Variants in ANKRD44 observed in about 807,000 individuals in gnomAD.
ANKRD44 encodes the protein serine/threonine-protein phosphatase 6 regulatory ankyrin repeat subunit B.
A neutral mutation model predicts 116.0 loss-of-function variants in ANKRD44; 35 were observed. The ratio of observed to expected loss-of-function variants is 0.30; its 90% confidence interval spans 0.23 to 0.40. The LOEUF is 0.40. ANKRD44 is among the 10% of genes least tolerant of loss of function. The pLI is 1.00. For synonymous variants in ANKRD44, 435 were observed against 461.8 expected, an observed-to-expected ratio of 0.94 and a Z score of 0.74; for missense variants, 1,014 against 1,242.6, an observed-to-expected ratio of 0.82 and a Z score of 2.77.
chr2:197,088,128 G>A (rs2077967426), intron 12 of ANKRD44, among the ~76,000 whole-genome samples: 1 of 152,128 alleles, frequency 6.6e-6, no homozygotes, highest in Non-Finnish European at 1.5e-5. Context: ...ACATTGATCA[G>A]AGCTTCAATC....
At chr2:197,112,551 T>C (rs542227878) in intron 8 of ANKRD44, among the ~76,000 whole-genome samples, 13 of 151,720 alleles carry the variant, frequency 8.6e-5, no homozygotes, top group Admixed American at 5.2e-4. Context: ...CTACTAAAAA[T>C]ACAAAAAATT....
chr2:197,135,031 C>G (rs1490641275), intron 4 of ANKRD44: 1 of 152,178 alleles, frequency 6.6e-6, no homozygotes, highest in Non-Finnish European at 1.5e-5. Context: ...GGATTATTGA[C>G]CTCTCTCATT....
intron 1 of ANKRD44, among the ~76,000 whole-genome samples, chr2:197,234,919 TAA>T (rs974784956): frequency 1.6e-4 from 25 of 152,206 alleles, no homozygotes; most frequent in African/African-American, 5.8e-4. Flanking sequence ...TGGAGCCTTT[TAA>T]GAAGAGGCTG....
At chr2:197,281,730 T>C (rs2083270737) in intron 1 of ANKRD44, among the ~76,000 whole-genome samples, 1 of 152,140 alleles carries the variant, frequency 6.6e-6, no homozygotes, top group East Asian at 1.9e-4. Context: ...TACAGGCAAA[T>C]TTTTTCCTTG....
In ANKRD44 at chr2:197,086,713, C is replaced by T. The variant is rs768411019; in HGVS notation, c.1283G>A (p.Gly428Glu). 1.2e-6 allele frequency: 2 copies of T among 1,613,916 alleles called. No homozygotes were observed. Among genetic ancestry groups the T allele is most frequent in the Non-Finnish European group, 8.5e-7 (1 of 1,179,888 alleles). The change falls in exon 13 of 28, where the codon GGA becomes GAA. Residue 428 changes from glycine (G) to glutamate (E), a missense_variant. Transcript: ENST00000282272. ...CTTGTCCTTTTTATGGAAATCTGCTCCGCTGCTCTGCAAGAGTTTTATACA... is the reference window on the plus strand; with the variant it reads ...CTTGTCCTTTTTATGGAAATCTGCTTCGCTGCTCTGCAAGAGTTTTATACA... ...VECIKLLQSSGADFHKKDKCG... is the reference protein window; with the variant it reads ...VECIKLLQSSEADFHKKDKCG...
chr2:197,201,021 A>T lies in ANKRD44; in HGVS notation c.28-13915T>A, dbSNP rs148852180. 1.3e-3 allele frequency among the ~76,000 whole-genome samples: 197 copies of T among 152,336 alleles called. No individual in the cohort carries two copies. The highest frequency in any genetic ancestry group is 2.4e-3 in the Non-Finnish European group (161 of 68,030). On this transcript the variant is annotated intron_variant, in intron 1 of 27. Coordinates refer to ENST00000282272, the MANE Select transcript of ANKRD44 (RefSeq NM_001195144.2). This position sits in a 1 kb window ranked among gnomAD's most constrained non-coding sequence, Gnocchi z 4.0. The stretch of plus-strand genomic sequence containing the variant: ...CTTGAGACTGAATATAAGTAGCTCT[A>T]TGGGAAAATTCTGAAAATGAATTAG...
intron 21 of ANKRD44, among the ~76,000 whole-genome samples, chr2:196,972,252 G>T (rs2075721147): frequency 6.6e-6 from 1 of 152,146 alleles, no homozygotes; most frequent in South Asian, 2.1e-4. Flanking sequence ...TACCCAGGCT[G>T]GAGTATGGTA....
chr2:197,015,527 G>C (rs1203367850), intron 17 of ANKRD44: 1 of 486,380 alleles, frequency 2.1e-6, no homozygotes, highest in Non-Finnish European at 3.8e-6. Context: ...TTGCAGAGAG[G>C]TCGTGGAGGT....
chr2:197,285,817 T>C (rs1477959453), intron 1 of ANKRD44, among the ~76,000 whole-genome samples: 2 of 152,182 alleles, frequency 1.3e-5, no homozygotes, highest in Non-Finnish European at 2.9e-5. Context: ...AATAAAATGA[T>C]ATAGGGTCAG....
chr2:197,000,451 G>A lies in ANKRD44; in HGVS notation c.2487C>T (p.Ser829=), dbSNP rs900568702. The part of the protein sequence containing the change: ...CASLLLGAID[S]SIVSCRDDKG... ...TGTCATCTCTACAACTGACGATACT[G>A]GAATCTATGGCCCCAAGCAGCAATG... The change falls in exon 23 of 28, where the codon TCC becomes TCT. Residue 829 remains serine, a synonymous_variant. Transcript: ENST00000282272. 1.9e-6 allele frequency: 3 copies of A among 1,613,892 alleles called. No individual in the cohort carries two copies. The highest frequency in any genetic ancestry group is 1.3e-5 in the African/African-American group (1 of 74,888).
chr2:197,176,251 G>A (rs574881226), intron 2 of ANKRD44, among the ~76,000 whole-genome samples: 2 of 152,240 alleles, frequency 1.3e-5, no homozygotes, highest in Admixed American at 6.5e-5. Context: ...TCAAAACTTC[G>A]AAATTTTAGT....
At chr2:197,159,879 C>T (rs2079915446) in intron 2 of ANKRD44, among the ~76,000 whole-genome samples, 2 of 152,300 alleles carry the variant, frequency 1.3e-5, no homozygotes, top group African/African-American at 2.4e-5. Context: ...GACTCCACAT[C>T]CGCTGCTCTC....
chr2:197,152,738 C>T (rs574324608), intron 2 of ANKRD44, among the ~76,000 whole-genome samples: 6 of 152,146 alleles, frequency 3.9e-5, no homozygotes, highest in Admixed American at 1.3e-4. Context: ...GGGCACCCTA[C>T]GCCTGTTTTG....
Position 196,967,292 on chromosome 2 carries a change from G to A in ANKRD44, c.*147C>T, listed in dbSNP as rs140191151. The A allele has an allele frequency of 2.9e-3, 992 of 344,176 alleles. 9 individuals carry two copies. Among genetic ancestry groups the A allele is most frequent in the African/African-American group, 0.02 (932 of 47,074 alleles). 21.3% of individuals were successfully genotyped at this position (344,176 alleles called of 1,614,324 possible). ...AATCACAGACAGGCAAGGCGAATCC[G>A]GTTACTCCCTTTCCCTTCCCCAACC... On this transcript the variant is annotated 3_prime_UTR_variant, in exon 22 of 22. Coordinates refer to the ANKRD44 transcript ENST00000424317.
chr2:197,306,066 G>A (rs1574485946), intron 1 of ANKRD44, among the ~76,000 whole-genome samples: 1 of 151,150 alleles, frequency 6.6e-6, no homozygotes, highest in East Asian at 1.9e-4. Context: ...GAAAAGCCAG[G>A]TATAAGCCAG....
At chr2:197,230,058 T>G (rs2697297) in intron 1 of ANKRD44, among the ~76,000 whole-genome samples, 150,181 of 152,066 alleles carry the variant, frequency 0.99, 74,190 homozygotes, top group East Asian at 1. Context: ...GGAATGATGG[T>G]TGTCTTGGAA....
chr2:197,061,125 A>G (rs2077303104), intron 16 of ANKRD44, among the ~76,000 whole-genome samples: 3 of 152,256 alleles, frequency 2.0e-5, no homozygotes. Flanking sequence ...AATGCTATAA[A>G]CAACCTAACC....
chr2:197,020,831 G>C (rs2076483429), intron 17 of ANKRD44, among the ~76,000 whole-genome samples: 1 of 140,000 alleles, frequency 7.1e-6, no homozygotes, highest in African/African-American at 3.3e-5. Flanking sequence ...TAAGTTCTAG[G>C]GTACATGTGC....
At chr2:197,252,552 G>A (rs1245580974) in intron 1 of ANKRD44, among the ~76,000 whole-genome samples, 2 of 151,954 alleles carry the variant, frequency 1.3e-5, no homozygotes, top group East Asian at 1.9e-4. Context: ...GACTACAGGC[G>A]CCCGCCACCA....
Sources: gnomAD v4.1 joint callset for allele counts (sites outside exome capture counted in the v4.1 genomes callset) on GRCh38, gnomAD v4.1.1 for gene constraint, Gnocchi (gnomAD v3.1) non-coding constraint, MANE v1.5 for transcripts, NCBI Gene and HGNC (gene_info 2026-07-23, HGNC 2026-07-21) for gene names.